KIRREL1: variants seen among roughly 807,000 people sequenced by gnomAD.
KIRREL1 encodes kin of IRRE-like protein 1.
A neutral mutation model predicts 83.3 loss-of-function variants in KIRREL1; 25 were observed. The observed-to-expected ratio is 0.30, with a 90% CI of 0.22 to 0.42. KIRREL1 has a LOEUF of 0.42. Among genes scored for constraint, KIRREL1 ranks in the 10% least tolerant of loss-of-function variants. KIRREL1 has a pLI of 1.00. For synonymous variants in KIRREL1, 388 were observed against 410.4 expected (o/e 0.95, Z 0.66); for missense variants, 812 against 1,032.3 (o/e 0.79, Z 2.92).
intron 1 of KIRREL1, among the ~76,000 whole-genome samples, chr1:158,047,350 T>A (rs796750236): frequency 3.5e-4 from 54 of 152,232 alleles, no homozygotes; most frequent in African/African-American, 1.1e-3. Context: ...TGGAAAGTGC[T>A]GACAAGGCCC....
intron 1 of KIRREL1, among the ~76,000 whole-genome samples, chr1:158,041,293 C>T (rs1660619758): frequency 6.6e-6 from 1 of 152,216 alleles, no homozygotes; most frequent in Non-Finnish European, 1.5e-5. Flanking sequence ...CTCACAACTC[C>T]CGTGTGCCAC....
intron 1 of KIRREL1, among the ~76,000 whole-genome samples, chr1:158,009,219 G>A (rs1557986651): frequency 6.6e-6 from 1 of 152,168 alleles, no homozygotes; most frequent in South Asian, 2.1e-4. Context: ...TGGGGGACAT[G>A]GAAAAGTCCT....
intron 8 of KIRREL1, 120 bp from the exon 9 acceptor site, chr1:158,089,382 T>G: frequency 6.6e-7 from 1 of 1,516,940 alleles, no homozygotes; most frequent in East Asian, 2.3e-5. Flanking sequence ...CCCATTTCCC[T>G]TCTGGGAATT....
chr1:158,024,574 C>T (rs777188355), intron 1 of KIRREL1, among the ~76,000 whole-genome samples: 2 of 152,018 alleles, frequency 1.3e-5, no homozygotes, highest in South Asian at 2.1e-4. Flanking sequence ...CCACTGCACC[C>T]GGCTGAGACA....
In KIRREL1 at chr1:157,997,414, A is replaced by G. The variant is rs529683405; in HGVS notation, c.52+3686A>G. 3.3e-5 allele frequency among the ~76,000 whole-genome samples: 5 copies of G among 152,082 alleles called. No homozygotes were observed. The East Asian group carries it at 5.8e-4, about 18-fold the overall frequency. ...TGGCTTTGAGGTGAGACATAGATAG[A>G]CAGGCAGTCAAGTTGTCTGCGCTTC... On this transcript the variant is annotated intron_variant, in intron 1 of 14. Coordinates refer to ENST00000359209, the MANE Select transcript of KIRREL1 (RefSeq NM_018240.7).
rs139687839 is a variant in KIRREL1, at chr1:158,093,803, C to T, written c.1719+41C>T. On this transcript the variant is annotated intron_variant, in intron 13 of 14. Coordinates refer to ENST00000359209, the MANE Select transcript of KIRREL1 (RefSeq NM_018240.7). ...CTCTCTGGCCTCCTGCCTTCTCCAC[C>T]CTCTGAGGACCAGCTCCATCCCAGA... is the stretch of plus-strand genomic sequence containing the variant. 2,105 of 1,608,782 alleles carry T rather than the reference C, an allele frequency of 1.3e-3. 2 individuals are homozygous for T. The highest frequency in any genetic ancestry group is 1.7e-3 in the Non-Finnish European group (2,001 of 1,176,332).
At position 158,094,871 on chromosome 1, in the gene KIRREL1, C is replaced by CA; in HGVS notation, c.2026dup (p.Thr676AsnfsTer2). The CA allele has an allele frequency of 6.2e-7, 1 of 1,613,978 alleles. No homozygotes were observed. Among genetic ancestry groups the CA allele is most frequent in the Non-Finnish European group, 8.5e-7 (1 of 1,179,934 alleles). ...CCCCTGGCCCTGCTGCCCCAGCTGG[C>CA]ACTGACACAACCAGCCAGCTGTCCT... On this transcript the variant is annotated frameshift_variant, in exon 15 of 15. Coordinates refer to ENST00000359209, the MANE Select transcript of KIRREL1 (RefSeq NM_018240.7). LOFTEE classifies it high-confidence loss of function. This position sits in a 1 kb window ranked among gnomAD's most constrained non-coding sequence, Gnocchi z 4.6.
intron 1 of KIRREL1, among the ~76,000 whole-genome samples, chr1:158,023,116 G>C (rs770861573): frequency 4.6e-5 from 7 of 152,074 alleles, no homozygotes; most frequent in Non-Finnish European, 8.8e-5. Flanking sequence ...CTTTTTCTTC[G>C]GGCCTTGGAA....
chr1:158,077,952 T>A (rs1661732074), intron 2 of KIRREL1, 39 bp from the exon 3 acceptor site: 1 of 1,610,060 alleles, frequency 6.2e-7, no homozygotes, highest in Admixed American at 1.7e-5. Context: ...GGATGTGTCC[T>A]TGTTTCAAGG....
At chr1:158,047,462 G>C (rs1660806588) in intron 1 of KIRREL1, among the ~76,000 whole-genome samples, 1 of 152,172 alleles carries the variant, frequency 6.6e-6, no homozygotes, top group Non-Finnish European at 1.5e-5. Context: ...TGATAACCGA[G>C]AGCCTATTTG....
chr1:158,004,249 T>A (rs150092635), intron 1 of KIRREL1, among the ~76,000 whole-genome samples: 427 of 152,334 alleles, frequency 2.8e-3, no homozygotes, highest in African/African-American at 7.7e-3. Flanking sequence ...TAAATTATAG[T>A]TGTTATTAAT....
At chr1:158,024,819 C>T (rs1660120038) in intron 1 of KIRREL1, among the ~76,000 whole-genome samples, 1 of 152,158 alleles carries the variant, frequency 6.6e-6, no homozygotes, top group Non-Finnish European at 1.5e-5. Flanking sequence ...CAGCTCAGCA[C>T]CAGTGGCATT....
chr1:158,015,148 C>T (rs922018082), intron 1 of KIRREL1, among the ~76,000 whole-genome samples: 4 of 152,102 alleles, frequency 2.6e-5, no homozygotes, highest in African/African-American at 7.2e-5. Context: ...GCTGGCTGGC[C>T]CCTCACCCCA....
At chr1:158,081,377 T>C (rs934181514) in intron 3 of KIRREL1, among the ~76,000 whole-genome samples, 11 of 152,226 alleles carry the variant, frequency 7.2e-5, no homozygotes, top group Non-Finnish European at 1.0e-4. Flanking sequence ...GGAGGCACTT[T>C]GGCTGACACA....
At position 158,095,188 on chromosome 1, in the gene KIRREL1, T is replaced by C. The variant is rs1167390478; in HGVS notation, c.*68T>C. On this transcript the variant is annotated 3_prime_UTR_variant, in exon 15 of 15. Transcript: ENST00000359209. ...AGGCTTTCACAGCTGTTCCCTGATA[T>C]TCAGGGGCATTGCTCATTGCTCCCT... 1.0e-5 allele frequency: 11 copies of C among 1,101,148 alleles called. No homozygotes were observed. The East Asian group carries it at 2.2e-4, about 22-fold the overall frequency. 68.2% of individuals were successfully genotyped at this position (1,101,148 alleles called of 1,614,324 possible). A position where few individuals can be genotyped will look rare whatever the true frequency, so the allele number is the denominator to read the frequency against.
rs767348850 is a variant in KIRREL1 at position 158,089,703 on chromosome 1, T to C, written c.1172-15T>C. On this transcript the variant is annotated splice_polypyrimidine_tract_variant and intron_variant, in intron 9 of 14. Coordinates refer to ENST00000359209, the MANE Select transcript of KIRREL1 (RefSeq NM_018240.7). The stretch of plus-strand genomic sequence containing the variant: ...AGTTTTTAACTGGTTCTGACTTGTG[T>C]CTTCTTGCTTGCAGGGCCCCCCATC... 5.0e-6 allele frequency: 8 copies of C among 1,614,018 alleles called. No homozygotes were observed. Among genetic ancestry groups the C allele is most frequent in the Non-Finnish European group, 6.8e-6 (8 of 1,179,996 alleles).
chr1:158,075,524 A>G (rs1332724348), intron 1 of KIRREL1, among the ~76,000 whole-genome samples: 1 of 152,242 alleles, frequency 6.6e-6, no homozygotes, highest in African/African-American at 2.4e-5. Flanking sequence ...GGAAGCTTCT[A>G]TACACACATG....
chr1:158,006,711 G>C (rs1659528522), intron 1 of KIRREL1, among the ~76,000 whole-genome samples: 1 of 152,148 alleles, frequency 6.6e-6, no homozygotes, highest in Admixed American at 6.5e-5. Flanking sequence ...CTGGGGGCTG[G>C]AGGACTCTGG....
Position 158,094,409 on chromosome 1 carries a change from G to A in KIRREL1, c.1797+19G>A. 4 of 1,610,260 alleles carry A rather than the reference G, an allele frequency of 2.5e-6. No homozygotes were observed. The highest frequency in any genetic ancestry group is 1.1e-5 in the South Asian group (1 of 90,328). ...GATGAAGGTGGGAAAGGGGGAAGGGGCCAGGGCATGAGGGCTGGTGGGCCA... is the reference window on the plus strand; with the variant it reads ...GATGAAGGTGGGAAAGGGGGAAGGGACCAGGGCATGAGGGCTGGTGGGCCA... On this transcript the variant is annotated intron_variant, in intron 14 of 14. Coordinates refer to ENST00000359209, the MANE Select transcript of KIRREL1 (RefSeq NM_018240.7). This position sits in a 1 kb window ranked among gnomAD's most constrained non-coding sequence, Gnocchi z 4.6.
Sources: allele counts gnomAD v4.1 joint callset (sites outside exome capture counted in the v4.1 genomes callset), GRCh38; gene constraint gnomAD v4.1.1; non-coding constraint Gnocchi (gnomAD v3.1); transcripts MANE v1.5; gene names NCBI Gene and HGNC (gene_info 2026-07-23, HGNC 2026-07-21).